Variants in STT3B observed in about 807,000 individuals in gnomAD.
STT3B encodes dolichyl-diphosphooligosaccharide--protein glycosyltransferase subunit STT3B.
A neutral mutation model predicts 96.8 loss-of-function variants in STT3B; 29 were observed. The ratio of observed to expected loss-of-function variants is 0.30; its 90% confidence interval spans 0.22 to 0.41. The LOEUF (loss-of-function observed/expected upper bound fraction) is 0.41. STT3B is among the 10% of genes least tolerant of loss of function. The probability of loss-of-function intolerance (pLI) is 1.00; values close to 1 mark genes in which losing one functional copy is unlikely to be tolerated. For missense variants in STT3B, 640 were observed against 1,022.3 expected (o/e 0.63, Z 5.10); for synonymous variants, 367 against 360.0 (o/e 1.02, Z -0.22).
At chr3:31,567,331 C>G (rs539452317) in intron 1 of STT3B, among the ~76,000 whole-genome samples, 1 of 152,266 alleles carries the variant, frequency 6.6e-6, no homozygotes, top group Non-Finnish European at 1.5e-5. Context: ...ATCAAAGCTT[C>G]TTTCCTCCCT....
At chr3:31,594,465 C>G (rs1698741678) in intron 3 of STT3B, among the ~76,000 whole-genome samples, 1 of 151,316 alleles carries the variant, frequency 6.6e-6, no homozygotes, top group Non-Finnish European at 1.5e-5. Context: ...GAGTCTCGCT[C>G]TGTCCACAGG....
At chr3:31,550,235 G>A (rs1697518382) in intron 1 of STT3B, among the ~76,000 whole-genome samples, 1 of 152,192 alleles carries the variant, frequency 6.6e-6, no homozygotes. Context: ...GTTTTGCCCT[G>A]TGTGTTCTTT....
intron 3 of STT3B, among the ~76,000 whole-genome samples, chr3:31,586,906 G>A (rs1698552126): frequency 6.6e-6 from 1 of 152,106 alleles, no homozygotes; most frequent in Non-Finnish European, 1.5e-5. Context: ...TAACGGAAAA[G>A]CCTTCTGGGA....
At chr3:31,590,034 T>C (rs1039458093) in intron 3 of STT3B, among the ~76,000 whole-genome samples, 4 of 152,006 alleles carry the variant, frequency 2.6e-5, no homozygotes, top group African/African-American at 9.7e-5. Context: ...GACATCGTAT[T>C]ATTCAGATTT....
chr3:31,637,124 G>T lies in STT3B; in HGVS notation c.*1060G>T, dbSNP rs762870520. On this transcript the variant is annotated 3_prime_UTR_variant, in exon 16 of 16. Coordinates refer to ENST00000295770, the MANE Select transcript of STT3B (RefSeq NM_178862.3). ...TACTTTTGTTAAAAATGTGACAGTT[G>T]TCAAAAAATGCACTAAAATGTAAAT... is the stretch of plus-strand genomic sequence containing the variant. 1 of 152,034 alleles carries T rather than the reference G, an allele frequency of 6.6e-6. No homozygotes were observed. Among genetic ancestry groups the T allele is most frequent in the Admixed American group, 6.6e-5 (1 of 15,262 alleles). 9.4% of individuals were successfully genotyped at this position (152,034 alleles called of 1,614,324 possible).
rs768417967 is a variant in STT3B at position 31,622,110 on chromosome 3, A to T, written c.1341A>T (p.Ala447=). 1 of 1,613,824 alleles carries T rather than the reference A, an allele frequency of 6.2e-7. No homozygotes were observed. The highest frequency in any genetic ancestry group is 1.1e-5 in the South Asian group (1 of 91,068). ...NDERVFVALY[A]ISAVYFAGVM... ...TTGTCTTTGCAGTTGCTCTATATGC[A>T]ATCAGTGCTGTCTACTTTGCTGGAG... The change falls in exon 10 of 16, where the codon GCA becomes GCT. Residue 447 remains alanine, a synonymous_variant. Coordinates refer to ENST00000295770, the MANE Select transcript of STT3B (RefSeq NM_178862.3).
At chr3:31,621,035 G>C (rs775060245) in intron 9 of STT3B, among the ~76,000 whole-genome samples, 1 of 152,184 alleles carries the variant, frequency 6.6e-6, no homozygotes, top group Non-Finnish European at 1.5e-5. Flanking sequence ...ATGTCTACCA[G>C]AAGACATGTT....
chr3:31,549,973 A>AT lies in STT3B; in HGVS notation c.314+16670dup, dbSNP rs948972961. Among the ~76,000 whole-genome samples the AT allele has an allele frequency of 2.4e-4, 36 of 150,960 alleles. No homozygotes were observed. In the East Asian group the frequency reaches 3.7e-3, roughly 16 times the overall value. ...TATACTATTTTGTATGTGATCTTAG[A>AT]TTTTTTTTTCAGATTTTTTTAGTGC... On this transcript the variant is annotated intron_variant, in intron 1 of 15. Transcript: ENST00000295770.
intron 1 of STT3B, among the ~76,000 whole-genome samples, chr3:31,569,485 G>C (rs899200290): frequency 6.6e-6 from 1 of 152,134 alleles, no homozygotes; most frequent in African/African-American, 2.4e-5. Context: ...AGAAGTTGGA[G>C]GAGGTGTGTT....
intron 7 of STT3B, 23 bp from the exon 8 acceptor site, chr3:31,617,917 T>G (rs778814438): frequency 2.5e-5 from 39 of 1,558,384 alleles, no homozygotes; most frequent in Non-Finnish European, 3.3e-5. Context: ...CAGATTAATT[T>G]CATCCATGTT....
intron 3 of STT3B, among the ~76,000 whole-genome samples, chr3:31,589,525 AG>A (rs1435990647): frequency 6.6e-6 from 1 of 151,904 alleles, no homozygotes; most frequent in Non-Finnish European, 1.5e-5. Flanking sequence ...TCCTGATCTC[AG>A]GGGGCATGAT....
At chr3:31,536,980 A>T (rs1042901735) in intron 1 of STT3B, among the ~76,000 whole-genome samples, 1 of 152,234 alleles carries the variant, frequency 6.6e-6, no homozygotes, top group African/African-American at 2.4e-5. Context: ...CATAGAAGCA[A>T]TGAAGTTCCC....
chr3:31,559,805 A>G (rs1366677761), intron 1 of STT3B, among the ~76,000 whole-genome samples: 4 of 152,034 alleles, frequency 2.6e-5, no homozygotes, highest in African/African-American at 4.8e-5. Context: ...CCCAACTATT[A>G]TTGTATTGGA....
chr3:31,577,400 C>T (rs1182954276), intron 2 of STT3B, among the ~76,000 whole-genome samples: 1 of 152,052 alleles, frequency 6.6e-6, no homozygotes, highest in African/African-American at 2.4e-5. Flanking sequence ...TCATTTAAAA[C>T]AAAATGTATC....
chr3:31,556,353 T>A (rs906075598), intron 1 of STT3B, among the ~76,000 whole-genome samples: 1 of 152,228 alleles, frequency 6.6e-6, no homozygotes. Flanking sequence ...AATAGTGCTG[T>A]AGTAAACGTG....
intron 1 of STT3B, among the ~76,000 whole-genome samples, chr3:31,543,143 C>G (rs752679259): frequency 7.3e-5 from 11 of 150,896 alleles, no homozygotes; most frequent in Non-Finnish European, 1.3e-4. Context: ...TCATCTGTGT[C>G]TTACGTGAGA....
intron 1 of STT3B, among the ~76,000 whole-genome samples, chr3:31,570,108 A>T (rs944979794): frequency 5.9e-5 from 9 of 152,128 alleles, no homozygotes; most frequent in East Asian, 3.8e-4. Flanking sequence ...TTAAATATTT[A>T]AAAAAATATG....
In STT3B at chr3:31,637,614, T is replaced by C. The variant is rs1016871852; in HGVS notation, c.*1550T>C. The C allele has an allele frequency of 2.6e-5, 4 of 152,200 alleles. No individual in the cohort carries two copies. Among genetic ancestry groups the C allele is most frequent in the African/African-American group, 9.7e-5 (4 of 41,442 alleles). The allele number at this position is 152,200 out of a possible 1,614,324, so 9.4% of individuals were successfully genotyped here. On this transcript the variant is annotated 3_prime_UTR_variant, in exon 16 of 16. Transcript: ENST00000295770. ...AGGGGAAATAAAGTTAATTCAAATT[T>C]TGTGTTAAGTGTTGTTTTTTACAAA...
chr3:31,626,837 TA>T (rs1388820376), intron 13 of STT3B, among the ~76,000 whole-genome samples: 1 of 152,228 alleles, frequency 6.6e-6, no homozygotes. Context: ...AACATTAGTA[TA>T]AAGTGTAAAC....
Sources: allele counts gnomAD v4.1 joint callset (sites outside exome capture counted in the v4.1 genomes callset), GRCh38; gene constraint gnomAD v4.1.1; transcripts MANE v1.5; gene names NCBI Gene and HGNC (gene_info 2026-07-23, HGNC 2026-07-21).